Variants in TRIM44 observed in about 807,000 individuals in gnomAD.
TRIM44 encodes the protein tripartite motif containing 44.
In TRIM44, 13 loss-of-function variants were observed where a neutral mutation model predicts 37.4. That is an observed-to-expected ratio of 0.35 (90% CI 0.23 to 0.55). The LOEUF (loss-of-function observed/expected upper bound fraction) is 0.55, where lower values mean the gene tolerates loss of function less well. Ranked by LOEUF, TRIM44 falls within the 20% of genes least tolerant of loss-of-function variation. TRIM44 has a pLI of 0.89. For missense variants in TRIM44, 426 were observed against 437.2 expected (o/e 0.97, Z 0.23); for synonymous variants, 175 against 157.2 (o/e 1.11, Z -0.85).
intron 4 of TRIM44, among the ~76,000 whole-genome samples, chr11:35,749,421 A>C (rs186480926): frequency 3.0e-4 from 46 of 152,322 alleles, no homozygotes; most frequent in Admixed American, 2.9e-3. Flanking sequence ...GCTACAGCTC[A>C]CTCCTGTAAT....
intron 2 of TRIM44, among the ~76,000 whole-genome samples, chr11:35,708,795 G>A (rs1014232679): frequency 1.3e-5 from 2 of 151,658 alleles, no homozygotes; most frequent in Non-Finnish European, 2.9e-5. Context: ...GAGCATTAGG[G>A]GATATACCTA....
intron 4 of TRIM44, among the ~76,000 whole-genome samples, chr11:35,770,153 C>A (rs958108426): frequency 6.6e-6 from 1 of 152,102 alleles, no homozygotes; most frequent in African/African-American, 2.4e-5. Context: ...TGAGAATATG[C>A]AGTATTTGGT....
At chr11:35,778,336 T>G (rs1376692895) in intron 4 of TRIM44, among the ~76,000 whole-genome samples, 1 of 152,210 alleles carries the variant, frequency 6.6e-6, no homozygotes, top group Non-Finnish European at 1.5e-5. Context: ...TCTACACTAT[T>G]TATTCAGTTA....
intron 4 of TRIM44, among the ~76,000 whole-genome samples, chr11:35,783,014 A>T (rs1454324361): frequency 6.6e-6 from 1 of 152,224 alleles, no homozygotes; most frequent in African/African-American, 2.4e-5. Flanking sequence ...TTATTCACTG[A>T]TAACAAAAAC....
intron 4 of TRIM44, among the ~76,000 whole-genome samples, chr11:35,773,406 T>C (rs1317642586): frequency 1.3e-5 from 2 of 152,198 alleles, no homozygotes; most frequent in Non-Finnish European, 2.9e-5. Flanking sequence ...ATGCATAGTT[T>C]GCAAATATTT....
At chr11:35,665,281 T>A (rs1851318683) in intron 1 of TRIM44, among the ~76,000 whole-genome samples, 1 of 152,172 alleles carries the variant, frequency 6.6e-6, no homozygotes, top group African/African-American at 2.4e-5. Flanking sequence ...AGGCTATGCA[T>A]ATCTTCAGTA....
intron 1 of TRIM44, among the ~76,000 whole-genome samples, chr11:35,666,600 ATAT>A (rs1851334952): frequency 6.6e-6 from 1 of 152,096 alleles, no homozygotes; most frequent in Non-Finnish European, 1.5e-5. Context: ...TAATTTTATA[ATAT>A]TGTAGAAAAT....
Position 35,663,151 on chromosome 11 carries a change from C to T in TRIM44, c.40C>T (p.His14Tyr), listed in dbSNP as rs758412863. Residue 14 changes from histidine (H) to tyrosine (Y), a missense_variant, in exon 1 of 5, where the codon CAC (histidine) becomes TAC (tyrosine). His to Tyr is a moderately conservative substitution (Grantham distance 83, BLOSUM62 2). This residue lies in a region of TRIM44 where 331 missense variants were observed against 303.0 expected (regional missense o/e 1.09). Coordinates refer to ENST00000299413, the MANE Select transcript of TRIM44 (RefSeq NM_017583.6). ...GGGCGCGGCCTTCGAGGAACTGCCT[C>T]ACGACGGCACGTGTGACGAGTGCGA... is the stretch of plus-strand genomic sequence containing the variant. ...GVGAAFEELP[H>Y]DGTCDECEPD... The T allele has an allele frequency of 1.1e-5, 17 of 1,548,074 alleles. No homozygotes were observed. The highest frequency in any genetic ancestry group is 1.4e-5 in the Non-Finnish European group (16 of 1,148,338).
chr11:35,686,541 T>C, intron 2 of TRIM44, among the ~76,000 whole-genome samples: 1 of 151,946 alleles, frequency 6.6e-6, no homozygotes, highest in Middle Eastern at 3.2e-3. Flanking sequence ...TTTGGTTTTT[T>C]GTTTGTTTGT....
intron 4 of TRIM44, among the ~76,000 whole-genome samples, chr11:35,736,755 C>G (rs1852330847): frequency 6.6e-6 from 1 of 152,230 alleles, no homozygotes; most frequent in African/African-American, 2.4e-5. Context: ...TTGCTTTAAA[C>G]CTACAGGGTT....
chr11:35,795,908 C>T (rs1853278597), intron 4 of TRIM44, among the ~76,000 whole-genome samples: 1 of 152,168 alleles, frequency 6.6e-6, no homozygotes, highest in Non-Finnish European at 1.5e-5. Context: ...CTATGTCAAG[C>T]TCTTTATATA....
chr11:35,795,056 C>T (rs114088707), intron 4 of TRIM44, among the ~76,000 whole-genome samples: 1,649 of 152,086 alleles, frequency 0.011, 33 homozygotes, highest in African/African-American at 0.038. Flanking sequence ...TCATTCATTC[C>T]AAGATGTGAG....
chr11:35,758,537 T>A (rs1366373727), intron 4 of TRIM44, among the ~76,000 whole-genome samples: 37 of 152,342 alleles, frequency 2.4e-4, no homozygotes, highest in East Asian at 3.9e-4. Flanking sequence ...TTTGATCCTG[T>A]CTTTATGATG....
At chr11:35,726,861 T>TAA (rs141296769) in intron 3 of TRIM44, among the ~76,000 whole-genome samples, 4 of 146,232 alleles carry the variant, frequency 2.7e-5, no homozygotes, top group Non-Finnish European at 4.5e-5. Flanking sequence ...AGGTAGCCAT[T>TAA]AAAAAAAAAA....
intron 4 of TRIM44, among the ~76,000 whole-genome samples, chr11:35,772,253 G>A (rs1445076883): frequency 2.0e-5 from 3 of 152,206 alleles, no homozygotes; most frequent in Middle Eastern, 3.2e-3. Context: ...CTGCAGGGGC[G>A]GGGTACTCAT....
At chr11:35,790,137 C>A (rs542586091) in intron 4 of TRIM44, among the ~76,000 whole-genome samples, 1 of 152,136 alleles carries the variant, frequency 6.6e-6, no homozygotes, top group Non-Finnish European at 1.5e-5. Context: ...TCTCTTCCCC[C>A]CAGCAAAATT....
chr11:35,740,947 A>G (rs980293281), intron 4 of TRIM44, among the ~76,000 whole-genome samples: 2 of 152,126 alleles, frequency 1.3e-5, no homozygotes, highest in East Asian at 3.9e-4. Context: ...TTCCCCCTCT[A>G]AATGAATAAC....
intron 4 of TRIM44, among the ~76,000 whole-genome samples, chr11:35,757,785 C>T: frequency 6.6e-6 from 1 of 152,170 alleles, no homozygotes; most frequent in East Asian, 1.9e-4. Context: ...GCAGGTTGTT[C>T]AGTTTCCATG....
At chr11:35,708,599 A>T (rs1851920867) in intron 2 of TRIM44, among the ~76,000 whole-genome samples, 1 of 151,776 alleles carries the variant, frequency 6.6e-6, no homozygotes, top group African/African-American at 2.4e-5. Context: ...TGAAGAGTTC[A>T]TGTCCTTTGT....
Sources: allele counts gnomAD v4.1 joint callset (sites outside exome capture counted in the v4.1 genomes callset), GRCh38; gene constraint gnomAD v4.1.1; regional missense constraint gnomAD v4.1.1; transcripts MANE v1.5; gene names NCBI Gene and HGNC (gene_info 2026-07-23, HGNC 2026-07-21).